The following FCRL1 variants were observed in gnomAD, a reference collection of about 807,000 sequenced individuals.
The protein encoded by FCRL1 is Fc receptor like 1, also known as Fc receptor-like protein 1.
Under a neutral mutation model 49.2 loss-of-function variants are expected in FCRL1, and 34 were observed. That is an observed-to-expected ratio of 0.69 (90% CI 0.53 to 0.92). The LOEUF (loss-of-function observed/expected upper bound fraction) is 0.92. Ranked by LOEUF, FCRL1 falls within the 40% of genes least tolerant of loss-of-function variation. The pLI is 0.00. For missense variants in FCRL1, 524 were observed against 524.1 expected (o/e 1.00, Z 0.00); for synonymous variants, 218 against 201.6 (o/e 1.08, Z -0.69).
chr1:157,807,240 A>C, intron 1 of FCRL1, 118 bp from the exon 2 acceptor site: 1 of 960,198 alleles, frequency 1.0e-6, no homozygotes, highest in Non-Finnish European at 1.5e-6. Context: ...CCCTCCCTGC[A>C]TCTCTCTCTT....
chr1:157,802,094 G>A lies in FCRL1; in HGVS notation c.707C>T (p.Pro236Leu). The A allele has an allele frequency of 6.2e-7, 1 of 1,614,220 alleles. No individual in the cohort carries two copies. Among genetic ancestry groups the A allele is most frequent in the Non-Finnish European group, 8.5e-7 (1 of 1,180,022 alleles). Reference protein sequence around the residue: ...ELHCEALRGSPPILYWFYHED... With the variant: ...ELHCEALRGSLPILYWFYHED... ...GTGATAAAACCAGTACAGGATCGGAGGAGAGCCTCTCAGGGCCTCACAGTG... is the reference window on the plus strand; with the variant it reads ...GTGATAAAACCAGTACAGGATCGGAAGAGAGCCTCTCAGGGCCTCACAGTG... The change falls in exon 5 of 11, where the codon CCT becomes CTT. Residue 236 changes from proline to leucine, a missense_variant. Transcript: ENST00000368176.
At chr1:157,809,379 A>T (rs775403539) in intron 1 of FCRL1, among the ~76,000 whole-genome samples, 17 of 152,168 alleles carry the variant, frequency 1.1e-4, no homozygotes, top group Non-Finnish European at 1.9e-4. Flanking sequence ...GGCAAAAAAT[A>T]AATTAATTAA....
chr1:157,800,409 A>G (rs2101828910), intron 6 of FCRL1, among the ~76,000 whole-genome samples: 1 of 152,310 alleles, frequency 6.6e-6, no homozygotes, highest in Non-Finnish European at 1.5e-5. Flanking sequence ...TTATTGTGAC[A>G]AAAGTCCTTG....
intron 1 of FCRL1, among the ~76,000 whole-genome samples, chr1:157,810,936 G>A (rs1013655126): frequency 2.0e-5 from 3 of 152,096 alleles, no homozygotes; most frequent in Middle Eastern, 3.4e-3. Context: ...CACAATGCCA[G>A]GATAATTATT....
chr1:157,800,975 T>C (rs913230573), intron 6 of FCRL1, among the ~76,000 whole-genome samples: 1 of 152,098 alleles, frequency 6.6e-6, no homozygotes, highest in African/African-American at 2.4e-5. Context: ...CACTGCAACC[T>C]CCAACTCCCT....
chr1:157,807,024 C>T (rs1571381387), intron 2 of FCRL1, 78 bp downstream of exon 2: 3 of 1,530,512 alleles, frequency 2.0e-6, no homozygotes, highest in East Asian at 4.5e-5. Flanking sequence ...GCTAAGACAG[C>T]AATCTGCAGG....
rs370158609 is a variant in FCRL1 at position 157,795,953 on chromosome 1, C to T, written c.*146G>A. On this transcript the variant is annotated 3_prime_UTR_variant, in exon 11 of 11. Transcript: ENST00000368176. ...CTTCAGGGCTGCGCCAACTTCACTTCACAGTAGATGAAGGAATAGTGCCAT... is the reference window on the plus strand; with the variant it reads ...CTTCAGGGCTGCGCCAACTTCACTTTACAGTAGATGAAGGAATAGTGCCAT... 5 of 698,162 alleles carry T rather than the reference C, an allele frequency of 7.2e-6. No homozygotes were observed. Among genetic ancestry groups the T allele is most frequent in the African/African-American group, 5.3e-5 (3 of 56,486 alleles). The allele number at this position is 698,162 out of a possible 1,614,324, so 43.2% of individuals were successfully genotyped here. A position where few individuals can be genotyped will look rare whatever the true frequency, so the allele number is the denominator to read the frequency against.
chr1:157,797,281 A>C (rs2101810906), intron 9 of FCRL1, 149 bp from the exon 10 acceptor site: 2 of 912,494 alleles, frequency 2.2e-6, no homozygotes, highest in East Asian at 5.1e-5. Flanking sequence ...TGTTTATCAC[A>C]AATGTGATTC....
At chr1:157,809,287 G>C (rs78297082) in intron 1 of FCRL1, among the ~76,000 whole-genome samples, 1 of 152,064 alleles carries the variant, frequency 6.6e-6, no homozygotes, top group Non-Finnish European at 1.5e-5. Context: ...CAGATGCAGT[G>C]GCTTATGACT....
At chr1:157,797,602 A>T in intron 9 of FCRL1, 1 of 720,300 alleles carries the variant, frequency 1.4e-6, no homozygotes. Context: ...AGGAAGAGGT[A>T]AGCCATGGGA....
chr1:157,797,086 A>G lies in FCRL1; in HGVS notation c.1218+15T>C, dbSNP rs1224214377. The stretch of plus-strand genomic sequence containing the variant: ...AAAGAAAGAACATGGAAGAAAGAAC[A>G]ATAGAGACTCTTACCTTGTCCTCCA... On this transcript the variant is annotated intron_variant, in intron 10 of 10. Transcript: ENST00000368176. The G allele has an allele frequency of 1.9e-6, 3 of 1,613,370 alleles. No homozygotes were observed. The highest frequency in any genetic ancestry group is 1.3e-5 in the African/African-American group (1 of 75,014).
intron 2 of FCRL1, among the ~76,000 whole-genome samples, chr1:157,806,310 G>A (rs1653430801): frequency 6.6e-6 from 1 of 152,202 alleles, no homozygotes; most frequent in Non-Finnish European, 1.5e-5. Flanking sequence ...TTGGGAACTT[G>A]TGTTCCCTAC....
intron 8 of FCRL1, 29 bp from the exon 9 acceptor site, chr1:157,797,968 C>A (rs1323317253): frequency 1.9e-6 from 3 of 1,607,778 alleles, no homozygotes; most frequent in Non-Finnish European, 2.6e-6. Flanking sequence ...GACTTCATGA[C>A]ACAGCCCCTG....
At chr1:157,808,451 T>A (rs1653809596) in intron 1 of FCRL1, among the ~76,000 whole-genome samples, 1 of 152,004 alleles carries the variant, frequency 6.6e-6, no homozygotes, top group Non-Finnish European at 1.5e-5. Flanking sequence ...AGAGAAAACA[T>A]CGAATGCAAG....
At position 157,800,220 on chromosome 1, in the gene FCRL1, C is replaced by A. The variant is rs567502150; in HGVS notation, c.1004-135G>T. Reference sequence around the variant, plus strand: ...ATTGTGGGTGCCACTGTGTGCCCAGCAGACATCCTGGCAATCATTTACAGA... The same window carrying A: ...ATTGTGGGTGCCACTGTGTGCCCAGAAGACATCCTGGCAATCATTTACAGA... On this transcript the variant is annotated intron_variant, in intron 6 of 10. Coordinates refer to ENST00000368176, the MANE Select transcript of FCRL1 (RefSeq NM_052938.5). 1,371 of 626,288 alleles carry A rather than the reference C, an allele frequency of 2.2e-3. 3 individuals carry two copies. Among genetic ancestry groups the A allele is most frequent in the Non-Finnish European group, 3.0e-3 (1,141 of 375,470 alleles). The allele number at this position is 626,288 out of a possible 1,614,324, so 38.8% of individuals were successfully genotyped here. A position where few individuals can be genotyped will look rare whatever the true frequency, so the allele number is the denominator to read the frequency against.
In FCRL1 at chr1:157,797,898, A is replaced by G. The variant is rs1231365734; in HGVS notation, c.1156T>C (p.Tyr386His). ...ACTGATTCCTGCTCCGGCTGGTTAT[A>G]GTACGCCAGTGAATAAACCTCATCC... is the stretch of plus-strand genomic sequence containing the variant. The part of the protein sequence containing the change: ...SGDEVYSLAY[Y>H]NQPEQESVAA... Residue 386 changes from tyrosine (Y) to histidine (H), a missense_variant, in exon 9 of 11, where the codon TAT becomes CAT. Coordinates refer to ENST00000368176, the MANE Select transcript of FCRL1 (RefSeq NM_052938.5). The G allele has an allele frequency of 6.2e-7, 1 of 1,614,080 alleles. No homozygotes were observed. Among genetic ancestry groups the G allele is most frequent in the African/African-American group, 1.3e-5 (1 of 74,926 alleles).
At position 157,795,777 on chromosome 1, in the gene FCRL1, AC is replaced by A. The variant is rs1651375872; in HGVS notation, c.*321del. On this transcript the variant is annotated 3_prime_UTR_variant, in exon 11 of 11. Coordinates refer to ENST00000368176, the MANE Select transcript of FCRL1 (RefSeq NM_052938.5). ...TGCTCTAAGCTTCACTGTCCCTCCA[AC>A]CCAAGATCCCAATTTCTTTTATTCC... The A allele has an allele frequency of 4.2e-6, 1 of 237,140 alleles. No individual in the cohort carries two copies. Among genetic ancestry groups the A allele is most frequent in the Non-Finnish European group, 8.4e-6 (1 of 118,386 alleles). The allele number at this position is 237,140 out of a possible 1,614,324, so 14.7% of individuals were successfully genotyped here.
intron 1 of FCRL1, among the ~76,000 whole-genome samples, chr1:157,809,751 T>C (rs1374798419): frequency 6.6e-6 from 1 of 152,054 alleles, no homozygotes; most frequent in Non-Finnish European, 1.5e-5. Flanking sequence ...TGAGCCACCA[T>C]ACCTGGTCAA....
chr1:157,812,622 T>C (rs1435656907), intron 1 of FCRL1, among the ~76,000 whole-genome samples: 1 of 152,078 alleles, frequency 6.6e-6, no homozygotes, highest in East Asian at 1.9e-4. Context: ...GGGCCTGAGA[T>C]ACTGGGGAGT....
Sources: gnomAD v4.1 joint callset for allele counts (sites outside exome capture counted in the v4.1 genomes callset) on GRCh38, gnomAD v4.1.1 for gene constraint, MANE v1.5 for transcripts, NCBI Gene and HGNC (gene_info 2026-07-23, HGNC 2026-07-21) for gene names.